The following NRXN1 variants were observed in gnomAD, a reference collection of about 807,000 sequenced individuals.
The protein encoded by NRXN1 is neurexin-1.
A neutral mutation model predicts 150.9 loss-of-function variants in NRXN1; 39 were observed. The observed-to-expected ratio is 0.26, with a 90% CI of 0.20 to 0.34. NRXN1 has a LOEUF of 0.34. NRXN1 is among the 10% of genes least tolerant of loss of function. The pLI, the probability that NRXN1 is intolerant of heterozygous loss-of-function variation, is 1.00. For synonymous variants in NRXN1, 924 were observed against 757.0 expected, an observed-to-expected ratio of 1.22 and a Z score of -3.62; for missense variants, 1,815 against 1,949.9, an observed-to-expected ratio of 0.93 and a Z score of 1.30.
intron 5 of NRXN1, among the ~76,000 whole-genome samples, chr2:50,896,757 G>C (rs969933745): frequency 1.3e-5 from 2 of 151,920 alleles, no homozygotes; most frequent in African/African-American, 4.8e-5. Context: ...GGGGGCAGGA[G>C]AATCGCTTGA....
At chr2:51,012,973 A>G (rs955393976) in intron 2 of NRXN1, among the ~76,000 whole-genome samples, 2 of 151,978 alleles carry the variant, frequency 1.3e-5, no homozygotes, top group Non-Finnish European at 2.9e-5. Context: ...TTTCACCCAA[A>G]GCTGTATTTC....
chr2:50,529,649 G>A (rs1440087200), intron 11 of NRXN1, among the ~76,000 whole-genome samples: 2 of 152,120 alleles, frequency 1.3e-5, no homozygotes, highest in Admixed American at 1.3e-4. Context: ...CAGAAAAGTG[G>A]TTGCAAACAG....
In NRXN1 at chr2:50,553,025, C is replaced by G; in HGVS notation, c.1321G>C (p.Val441Leu). ...SNNFMGCLKEVVYKNNDVRLE... is the reference protein window; with the variant it reads ...SNNFMGCLKELVYKNNDVRLE... ...CTCACATCATTATTTTTATATACAACCTGTGGGCAGAGGATAGCAGTGAGA... is the reference window on the plus strand; with the variant it reads ...CTCACATCATTATTTTTATATACAAGCTGTGGGCAGAGGATAGCAGTGAGA... Residue 441 changes from valine to leucine, a missense_variant and splice_region_variant, in exon 9 of 23, where the codon GTT becomes CTT. By Grantham distance (32) the Val-to-Leu change is conservative (BLOSUM62 1). This residue lies in a region of NRXN1 where 638 missense variants were observed against 652.6 expected (regional missense o/e 0.98). Transcript: ENST00000401669. 6.2e-7 allele frequency: 1 copy of G among 1,601,332 alleles called. No homozygotes were observed. The highest frequency in any genetic ancestry group is 8.5e-7 in the Non-Finnish European group (1 of 1,173,956).
chr2:50,272,640 T>C (rs1389624558), intron 17 of NRXN1, among the ~76,000 whole-genome samples: 1 of 152,094 alleles, frequency 6.6e-6, no homozygotes, highest in Admixed American at 6.6e-5. Flanking sequence ...TAAATAAAAC[T>C]ATGGCATAAA....
chr2:50,092,043 A>G (rs1444606836), intron 18 of NRXN1, among the ~76,000 whole-genome samples: 1 of 152,230 alleles, frequency 6.6e-6, no homozygotes, highest in Non-Finnish European at 1.5e-5. Context: ...TTTTTATTTT[A>G]TTGATGATGA....
intron 5 of NRXN1, among the ~76,000 whole-genome samples, chr2:50,732,349 C>T (rs1461802993): frequency 6.6e-6 from 1 of 152,012 alleles, no homozygotes; most frequent in Non-Finnish European, 1.5e-5. Context: ...AATTGAGAAT[C>T]ATAATTACTA....
intron 17 of NRXN1, among the ~76,000 whole-genome samples, chr2:50,406,071 G>A (rs1465557549): frequency 6.6e-6 from 1 of 152,072 alleles, no homozygotes; most frequent in Non-Finnish European, 1.5e-5. Context: ...AGAGCTTACA[G>A]TTTTTCATGT....
intron 16 of NRXN1, among the ~76,000 whole-genome samples, chr2:50,470,280 T>C (rs549363742): frequency 5.9e-5 from 9 of 151,882 alleles, no homozygotes; most frequent in Admixed American, 3.9e-4. Flanking sequence ...CTAATGGGAA[T>C]TGATCCCCTT....
At chr2:50,198,101 C>T (rs989481670) in intron 18 of NRXN1, among the ~76,000 whole-genome samples, 2 of 152,232 alleles carry the variant, frequency 1.3e-5, no homozygotes, top group East Asian at 1.9e-4. Flanking sequence ...ATCAAACCTC[C>T]AACCCTTCAG....
intron 18 of NRXN1, among the ~76,000 whole-genome samples, chr2:50,130,199 T>A (rs935516865): frequency 5.9e-5 from 9 of 152,102 alleles, no homozygotes; most frequent in African/African-American, 2.2e-4. Flanking sequence ...TATTTTTCCA[T>A]CTGGAGGAAT....
At chr2:50,820,728 G>A (rs1304444712) in intron 5 of NRXN1, among the ~76,000 whole-genome samples, 2 of 152,086 alleles carry the variant, frequency 1.3e-5, no homozygotes, top group African/African-American at 4.8e-5. Context: ...TTGTAAACAA[G>A]GAGGAGCCTG....
At chr2:50,417,078 C>T (rs2083593078) in intron 17 of NRXN1, 1 of 152,080 alleles carries the variant, frequency 6.6e-6, no homozygotes, top group Admixed American at 6.6e-5. Flanking sequence ...ACCCATTAAA[C>T]CTACCTTGAA....
chr2:50,784,202 G>C (rs1023879033), intron 5 of NRXN1, among the ~76,000 whole-genome samples: 1 of 152,088 alleles, frequency 6.6e-6, no homozygotes, highest in Non-Finnish European at 1.5e-5. Flanking sequence ...CTAGGCACTA[G>C]GGTTATAAAA....
intron 18 of NRXN1, among the ~76,000 whole-genome samples, chr2:50,123,847 T>G (rs954240415): frequency 6.6e-6 from 1 of 152,068 alleles, no homozygotes; most frequent in South Asian, 2.1e-4. Context: ...ATGGATATTG[T>G]GGAAGGAGTA....
intron 5 of NRXN1, among the ~76,000 whole-genome samples, chr2:50,761,815 A>G (rs1354049870): frequency 6.6e-6 from 1 of 151,888 alleles, no homozygotes; most frequent in Admixed American, 6.6e-5. Flanking sequence ...AGGAACATGA[A>G]AGAATTAGAC....
chr2:50,542,586 G>C (rs2093415436), intron 9 of NRXN1, among the ~76,000 whole-genome samples: 1 of 152,158 alleles, frequency 6.6e-6, no homozygotes, highest in African/African-American at 2.4e-5. Flanking sequence ...CTTTGTAAAA[G>C]AGATGGCAAA....
intron 5 of NRXN1, among the ~76,000 whole-genome samples, chr2:50,790,990 G>C (rs564847429): frequency 6.6e-6 from 1 of 151,808 alleles, no homozygotes; most frequent in African/African-American, 2.4e-5. Flanking sequence ...ACCTGTACTA[G>C]TAGCTGATTT....
chr2:50,012,700 T>C (rs867887516), intron 21 of NRXN1, among the ~76,000 whole-genome samples: 5 of 152,266 alleles, frequency 3.3e-5, no homozygotes, highest in South Asian at 4.1e-4. Context: ...AATGAAACTC[T>C]ACAAGGCACC....
At chr2:50,001,522 G>T (rs1408985979) in intron 21 of NRXN1, among the ~76,000 whole-genome samples, 1 of 152,046 alleles carries the variant, frequency 6.6e-6, no homozygotes, top group Non-Finnish European at 1.5e-5. Flanking sequence ...TAGACTCTGG[G>T]GCCAAATTAT....
Sources: gnomAD v4.1 joint callset for allele counts (sites outside exome capture counted in the v4.1 genomes callset) on GRCh38, gnomAD v4.1.1 for gene constraint, gnomAD v4.1.1 regional missense constraint, MANE v1.5 for transcripts, NCBI Gene and HGNC (gene_info 2026-07-23, HGNC 2026-07-21) for gene names.